The following TTLL7 variants were observed in gnomAD, a reference collection of about 807,000 sequenced individuals.
The protein encoded by TTLL7 is tubulin tyrosine ligase like 7, also known as tubulin polyglutamylase TTLL7.
A neutral mutation model predicts 120.2 loss-of-function variants in TTLL7; 53 were observed. That is an observed-to-expected ratio of 0.44 (90% CI 0.35 to 0.55). The LOEUF (loss-of-function observed/expected upper bound fraction) is 0.55, where lower values mean the gene tolerates loss of function less well. Ranked by LOEUF, TTLL7 falls within the 20% of genes least tolerant of loss-of-function variation. TTLL7 has a pLI of 0.00. For missense variants in TTLL7, 803 were observed against 1,054.7 expected (o/e 0.76, Z 3.31); for synonymous variants, 353 against 351.7 (o/e 1.00, Z -0.04).
At chr1:83,944,710 C>T (rs1025220142) in intron 6 of TTLL7, among the ~76,000 whole-genome samples, 5 of 152,018 alleles carry the variant, frequency 3.3e-5, no homozygotes, top group African/African-American at 9.7e-5. Flanking sequence ...AGCGAGACTC[C>T]GTCTTAAAAA....
intron 13 of TTLL7, among the ~76,000 whole-genome samples, chr1:83,919,152 C>T (rs749939419): frequency 4.6e-5 from 7 of 151,976 alleles, no homozygotes; most frequent in Non-Finnish European, 7.4e-5. Context: ...GGAAGAACCA[C>T]TCAGCTGTGC....
chr1:83,913,270 TA>T (rs1227731844), intron 14 of TTLL7, among the ~76,000 whole-genome samples: 2 of 152,152 alleles, frequency 1.3e-5, no homozygotes, highest in African/African-American at 4.8e-5. Context: ...AGGCTATATA[TA>T]AAAAATGTAT....
intron 6 of TTLL7, among the ~76,000 whole-genome samples, chr1:83,944,466 G>A (rs1435956632): frequency 6.6e-6 from 1 of 152,166 alleles, no homozygotes; most frequent in African/African-American, 2.4e-5. Context: ...CAGCACTTTG[G>A]GAGGCCAACA....
Position 83,938,015 on chromosome 1 carries a change from G to T in TTLL7, c.725C>A (p.Thr242Asn), listed in dbSNP as rs1647586605. ...GTTTGTCAGATGCATGTATAACTGG[G>T]TCTGTAACAAGTAAGAACCAAAGTT... ...KYIPPNESNLTQLYMHLTNYS... is the reference protein window; with the variant it reads ...KYIPPNESNLNQLYMHLTNYS... The change falls in exon 8 of 21, where the codon ACC becomes AAC. Residue 242 changes from threonine (T) to asparagine (N), a missense_variant and splice_region_variant. By Grantham distance (65) the Thr-to-Asn change is moderately conservative. Around this residue, in one of 3 missense-constraint regions of TTLL7, gnomAD observed 324 missense variants for 507.7 expected, o/e 0.64. Coordinates refer to ENST00000260505, the MANE Select transcript of TTLL7 (RefSeq NM_024686.6). 1 of 1,613,572 alleles carries T rather than the reference G, an allele frequency of 6.2e-7. No individual in the cohort carries two copies. The highest frequency in any genetic ancestry group is 8.5e-7 in the Non-Finnish European group (1 of 1,179,756).
chr1:83,921,484 G>T, intron 10 of TTLL7, 90 bp from the exon 11 acceptor site: 1 of 1,375,056 alleles, frequency 7.3e-7, no homozygotes. Context: ...AGGAGACATA[G>T]TGAAGCTCAG....
intron 14 of TTLL7, among the ~76,000 whole-genome samples, chr1:83,916,612 C>T (rs911595227): frequency 1.3e-5 from 2 of 151,512 alleles, no homozygotes; most frequent in African/African-American, 4.9e-5. Context: ...GCACGTTGTG[C>T]ACATGTACCC....
chr1:83,931,428 T>G (rs905809889), intron 9 of TTLL7, among the ~76,000 whole-genome samples: 1 of 151,966 alleles, frequency 6.6e-6, no homozygotes, highest in Admixed American at 6.6e-5. Context: ...CAACCTTCTG[T>G]AGCCCTACAA....
At position 83,952,456 on chromosome 1, in the gene TTLL7, C is replaced by T. The variant is rs894428614; in HGVS notation, c.-176-69G>A. The T allele has an allele frequency of 5.5e-5, 21 of 381,962 alleles. No individual in the cohort carries two copies. The Middle Eastern group carries it at 1.3e-3, about 24-fold the overall frequency. The allele number at this position is 381,962 out of a possible 1,614,324, so 23.7% of individuals were successfully genotyped here. A position where few individuals can be genotyped will look rare whatever the true frequency, so the allele number is the denominator to read the frequency against. ...GAATTTTTTTTCATATATGCCAAGA[C>T]TATTCTTTTTAAAAGTCAAGGTGAA... On this transcript the variant is annotated intron_variant, in intron 1 of 20. Coordinates refer to ENST00000260505, the MANE Select transcript of TTLL7 (RefSeq NM_024686.6).
At position 83,916,885 on chromosome 1, in the gene TTLL7, T is replaced by TTGGG. The variant is rs577794675; in HGVS notation, c.1587+718_1587+719insCCCA. On this transcript the variant is annotated intron_variant, in intron 14 of 20. Transcript: ENST00000260505. ...CAGGAGGATCGCCTGAAACCAGGGG[T>TTGGG]TCAAGACCAGCCTTGGCAACACAGT... 2.5e-3 allele frequency among the ~76,000 whole-genome samples: 372 copies of TTGGG among 151,584 alleles called. 3 individuals are homozygous for TTGGG. Among genetic ancestry groups the TTGGG allele is most frequent in the African/African-American group, 8.7e-3 (361 of 41,328 alleles).
chr1:83,968,012 G>C (rs925841051), intron 1 of TTLL7, among the ~76,000 whole-genome samples: 1 of 151,964 alleles, frequency 6.6e-6, no homozygotes, highest in African/African-American at 2.4e-5. Flanking sequence ...ACCTGCAGCC[G>C]TTCCCACACA....
At chr1:83,995,457 ACT>A (rs1293754919) in intron 1 of TTLL7, among the ~76,000 whole-genome samples, 1 of 149,772 alleles carries the variant, frequency 6.7e-6, no homozygotes, top group Non-Finnish European at 1.5e-5. Context: ...CCACCCCCTC[ACT>A]CTCTCTCTTG....
rs754095317 is a variant in TTLL7, at chr1:83,952,247, C to T, written c.-36G>A. On this transcript the variant is annotated 5_prime_UTR_variant, in exon 2 of 21. Coordinates refer to ENST00000260505, the MANE Select transcript of TTLL7 (RefSeq NM_024686.6). The stretch of plus-strand genomic sequence containing the variant: ...GCTGATTAGCAAGCAGTGTGTGCTG[C>T]TGTACCAAGCTCTCAGGAAATCTGG... 4 of 1,612,146 alleles carry T rather than the reference C, an allele frequency of 2.5e-6. No homozygotes were observed. In the South Asian group the frequency reaches 3.3e-5, roughly 13 times the overall value.
intron 1 of TTLL7, among the ~76,000 whole-genome samples, chr1:83,969,655 T>C (rs1053947042): frequency 1.3e-5 from 2 of 151,972 alleles, no homozygotes; most frequent in African/African-American, 2.4e-5. Context: ...CCTGATAAAA[T>C]TGTCTAAAAT....
intron 10 of TTLL7, among the ~76,000 whole-genome samples, chr1:83,925,276 T>A (rs1308683354): frequency 6.6e-6 from 1 of 152,186 alleles, no homozygotes; most frequent in African/African-American, 2.4e-5. Context: ...TCTTTTTCTA[T>A]CTTCCCCCAT....
chr1:83,887,878 T>G (rs1655094184), intron 19 of TTLL7, among the ~76,000 whole-genome samples: 1 of 152,046 alleles, frequency 6.6e-6, no homozygotes, highest in South Asian at 2.1e-4. Flanking sequence ...TTTGTGGAGA[T>G]TATACAAATA....
Position 83,875,748 on chromosome 1 carries a change from G to A in TTLL7, c.2544-5666C>T, listed in dbSNP as rs184760141. Among the ~76,000 whole-genome samples the A allele has an allele frequency of 3.1e-4, 47 of 151,806 alleles. No homozygotes were observed. In the East Asian group the frequency reaches 4.1e-3, roughly 13 times the overall value. On this transcript the variant is annotated intron_variant, in intron 20 of 20. Coordinates refer to ENST00000260505, the MANE Select transcript of TTLL7 (RefSeq NM_024686.6). The stretch of plus-strand genomic sequence containing the variant: ...CTTTTTCAAATGTTTATTGGTCCTC[G>A]TTTTTCAATTATCTTCCCCATTTTT...
intron 7 of TTLL7, among the ~76,000 whole-genome samples, chr1:83,940,304 T>C (rs1647833711): frequency 6.6e-6 from 1 of 152,176 alleles, no homozygotes. Flanking sequence ...CCACCTTACA[T>C]ATATATAATC....
intron 18 of TTLL7, among the ~76,000 whole-genome samples, chr1:83,892,490 A>G (rs1655681911): frequency 7.0e-6 from 1 of 143,492 alleles, no homozygotes; most frequent in African/African-American, 2.6e-5. Flanking sequence ...GAATGAACAT[A>G]TATATGAACA....
chr1:83,886,703 T>C (rs370505012), intron 19 of TTLL7, among the ~76,000 whole-genome samples: 2 of 151,982 alleles, frequency 1.3e-5, no homozygotes, highest in Non-Finnish European at 2.9e-5. Context: ...ATATTGGATT[T>C]TGAGTGGAGA....
Sources: allele counts gnomAD v4.1 joint callset (sites outside exome capture counted in the v4.1 genomes callset), GRCh38; gene constraint gnomAD v4.1.1; regional missense constraint gnomAD v4.1.1; transcripts MANE v1.5; gene names NCBI Gene and HGNC (gene_info 2026-07-23, HGNC 2026-07-21).